PGCKA1: variants seen among roughly 807,000 people sequenced by gnomAD.
The protein encoded by PGCKA1 is PDCD10 and GCKIII kinases-associated protein 1.
the PGCKA1 span, chr4:37,590,259 C>T: frequency 6.2e-7 from 1 of 1,614,170 alleles, no homozygotes; most frequent in Admixed American, 1.7e-5. Flanking sequence ...AGAGCAGCAG[C>T]AGGACAGCTG....
At chr4:37,556,206 G>A in the PGCKA1 span, among the ~76,000 whole-genome samples, 1,875 of 151,924 alleles carry the variant, frequency 0.012, 24 homozygotes, top group African/African-American at 0.042. Context: ...ACGCCCTCCC[G>A]ACACACCTGG....
the PGCKA1 span, among the ~76,000 whole-genome samples, chr4:37,464,616 C>CA: frequency 3.9e-5 from 6 of 152,298 alleles, no homozygotes; most frequent in Admixed American, 2.0e-4. Context: ...TCAAACTACA[C>CA]ACACCTTCTC....
the PGCKA1 span, among the ~76,000 whole-genome samples, chr4:37,490,019 A>G: frequency 6.6e-6 from 1 of 152,122 alleles, no homozygotes; most frequent in Non-Finnish European, 1.5e-5. Flanking sequence ...CATAACTTAA[A>G]AAAAAAGAAA....
At chr4:37,472,182 T>C in the PGCKA1 span, among the ~76,000 whole-genome samples, 1 of 152,194 alleles carries the variant, frequency 6.6e-6, no homozygotes, top group Non-Finnish European at 1.5e-5. Flanking sequence ...TTGAGCGACT[T>C]CAGCCTCCTG....
At chr4:37,534,156 TG>T in the PGCKA1 span, among the ~76,000 whole-genome samples, 1 of 152,216 alleles carries the variant, frequency 6.6e-6, no homozygotes, top group Non-Finnish European at 1.5e-5. Flanking sequence ...TGAAAATCAC[TG>T]GTCCAAGAAA....
the PGCKA1 span, chr4:37,589,966 A>G: frequency 5.1e-6 from 4 of 782,978 alleles, no homozygotes; most frequent in Non-Finnish European, 8.6e-6. Context: ...AGACATACTT[A>G]TCTAGGTTGA....
chr4:37,535,464 T>TG, the PGCKA1 span, among the ~76,000 whole-genome samples: 5 of 151,834 alleles, frequency 3.3e-5, no homozygotes, highest in Non-Finnish European at 7.4e-5. Flanking sequence ...ACAGATGGAG[T>TG]GGGGGGCCAC....
At chr4:37,566,275 TTA>T in the PGCKA1 span, among the ~76,000 whole-genome samples, 1 of 152,074 alleles carries the variant, frequency 6.6e-6, no homozygotes, top group Non-Finnish European at 1.5e-5. Context: ...TCTTTTTTTT[TTA>T]TTTTATTTTT....
the PGCKA1 span, among the ~76,000 whole-genome samples, chr4:37,576,140 A>G: frequency 6.6e-6 from 1 of 151,954 alleles, no homozygotes; most frequent in South Asian, 2.1e-4. Context: ...AGAAATGTTG[A>G]TAGAGATTGC....
At chr4:37,517,178 G>A in the PGCKA1 span, among the ~76,000 whole-genome samples, 1 of 151,560 alleles carries the variant, frequency 6.6e-6, no homozygotes. Flanking sequence ...TTGAACCCGG[G>A]AGGCGGAGGT....
the PGCKA1 span, among the ~76,000 whole-genome samples, chr4:37,513,575 A>G: frequency 6.6e-6 from 1 of 152,272 alleles, no homozygotes; most frequent in South Asian, 2.1e-4. Flanking sequence ...AATTATCTCC[A>G]TAAAATGCCC....
the PGCKA1 span, among the ~76,000 whole-genome samples, chr4:37,473,947 G>C: frequency 6.6e-6 from 1 of 152,140 alleles, no homozygotes; most frequent in Non-Finnish European, 1.5e-5. Context: ...GTCTATCGGT[G>C]CTCCACCTTC....
the PGCKA1 span, among the ~76,000 whole-genome samples, chr4:37,478,531 C>T: frequency 1.3e-3 from 198 of 152,262 alleles, no homozygotes; most frequent in African/African-American, 4.4e-3. Flanking sequence ...TGTTTTAGAT[C>T]GTCCTTCAAG....
At chr4:37,531,807 A>G in the PGCKA1 span, among the ~76,000 whole-genome samples, 3 of 149,924 alleles carry the variant, frequency 2.0e-5, no homozygotes, top group South Asian at 6.4e-4. Flanking sequence ...CAGGAGAATG[A>G]CGTGAACCCG....
the PGCKA1 span, among the ~76,000 whole-genome samples, chr4:37,493,423 G>T: frequency 1.3e-5 from 2 of 151,956 alleles, no homozygotes; most frequent in African/African-American, 4.8e-5. Context: ...ATCACGTTAG[G>T]CTTACTCCAC....
chr4:37,493,349 A>G, the PGCKA1 span, among the ~76,000 whole-genome samples: 9 of 152,208 alleles, frequency 5.9e-5, no homozygotes, highest in African/African-American at 2.2e-4. Flanking sequence ...TTATCATAAA[A>G]AGCTAATTCA....
At chr4:37,468,061 G>A in the PGCKA1 span, among the ~76,000 whole-genome samples, 1 of 152,158 alleles carries the variant, frequency 6.6e-6, no homozygotes, top group African/African-American at 2.4e-5. Flanking sequence ...ATGTCAGTAG[G>A]TACCTTCCCA....
the PGCKA1 span, among the ~76,000 whole-genome samples, chr4:37,592,799 C>T: frequency 2.1e-4 from 32 of 152,218 alleles, no homozygotes; most frequent in Admixed American, 9.8e-4. Context: ...GTGTTTAGCA[C>T]AGTGCTTGGC....
At chr4:37,489,036 T>TAA in the PGCKA1 span, among the ~76,000 whole-genome samples, 1 of 152,184 alleles carries the variant, frequency 6.6e-6, no homozygotes, top group East Asian at 1.9e-4. Flanking sequence ...CCACCTGTGA[T>TAA]AATTGAGTAT....
Sources: gnomAD v4.1 joint callset for allele counts (sites outside exome capture counted in the v4.1 genomes callset) on GRCh38, gnomAD v4.1.1 for gene constraint, MANE v1.5 for transcripts, NCBI Gene and HGNC (gene_info 2026-07-23, HGNC 2026-07-21) for gene names.